DRC11: variants seen among roughly 807,000 people sequenced by gnomAD.
The protein encoded by DRC11 is dynein regulatory complex subunit 11.
the DRC11 span, among the ~76,000 whole-genome samples, chr2:236,350,384 G>A: frequency 6.6e-6 from 1 of 152,216 alleles, no homozygotes. This position sits in a 1 kb window ranked among gnomAD's most constrained non-coding sequence, Gnocchi z 5.2. Flanking sequence ...TGGTTTGGAA[G>A]GGCTCAATTA....
At chr2:236,386,401 G>A in the DRC11 span, among the ~76,000 whole-genome samples, 1 of 152,146 alleles carries the variant, frequency 6.6e-6, no homozygotes, top group Non-Finnish European at 1.5e-5. Context: ...GAGAATGTAT[G>A]TGTCCAGGAA....
chr2:236,503,656 G>A, the DRC11 span: 1 of 1,550,964 alleles, frequency 6.4e-7, no homozygotes, highest in Non-Finnish European at 8.7e-7. The surrounding 1 kb of genome is among the most constrained non-coding windows in gnomAD (Gnocchi z 4.9). Flanking sequence ...CTGAGAGACG[G>A]CGTCATCTCC....
At chr2:236,321,898 G>A in the DRC11 span, among the ~76,000 whole-genome samples, 1 of 152,226 alleles carries the variant, frequency 6.6e-6, no homozygotes, top group East Asian at 1.9e-4. Context: ...TCATACAACG[G>A]GCCCCAGTAA....
At chr2:236,499,617 T>TG in the DRC11 span, among the ~76,000 whole-genome samples, 1 of 152,056 alleles carries the variant, frequency 6.6e-6, no homozygotes, top group South Asian at 2.1e-4. This position sits in a 1 kb window ranked among gnomAD's most constrained non-coding sequence, Gnocchi z 4.7. Flanking sequence ...TTAGTAGAGA[T>TG]GGGGGTTTCA....
the DRC11 span, chr2:236,338,116 A>G: frequency 7.5e-7 from 1 of 1,340,648 alleles, no homozygotes; most frequent in Non-Finnish European, 1.0e-6. Flanking sequence ...TCTGGCGCCC[A>G]CCGGGTCCAA....
At chr2:236,334,412 C>A in the DRC11 span, among the ~76,000 whole-genome samples, 1 of 152,104 alleles carries the variant, frequency 6.6e-6, no homozygotes, top group African/African-American at 2.4e-5. This position sits in a 1 kb window ranked among gnomAD's most constrained non-coding sequence, Gnocchi z 7.8. Context: ...GTGGGGAGCA[C>A]AGATGCACTG....
At chr2:236,312,555 A>C in the DRC11 span, among the ~76,000 whole-genome samples, 1 of 152,216 alleles carries the variant, frequency 6.6e-6, no homozygotes, top group Non-Finnish European at 1.5e-5. Context: ...CCAACAGGAG[A>C]TAGATTTTCA....
the DRC11 span, chr2:236,338,370 G>A: frequency 3.2e-4 from 523 of 1,611,220 alleles, 2 homozygotes; most frequent in East Asian, 3.9e-3. Flanking sequence ...TTTTTCAGGC[G>A]TTTAGGTTCA....
chr2:236,479,639 C>A, the DRC11 span, among the ~76,000 whole-genome samples: 1 of 152,170 alleles, frequency 6.6e-6, no homozygotes, highest in Non-Finnish European at 1.5e-5. This position sits in a 1 kb window ranked among gnomAD's most constrained non-coding sequence, Gnocchi z 4.1. Flanking sequence ...ACTTTATCTC[C>A]CCCACATTTT....
At chr2:236,507,293 C>T in the DRC11 span, 10 of 1,613,940 alleles carry the variant, frequency 6.2e-6, no homozygotes, top group Non-Finnish European at 8.5e-6. Flanking sequence ...CTCTTTTCCT[C>T]GCCCTCCGGG....
the DRC11 span, among the ~76,000 whole-genome samples, chr2:236,374,203 C>G: frequency 1.3e-5 from 2 of 152,048 alleles, no homozygotes; most frequent in African/African-American, 4.8e-5. Flanking sequence ...AGTTTTGGTG[C>G]AAGTGTTGCC....
chr2:236,402,267 C>T, the DRC11 span, among the ~76,000 whole-genome samples: 5 of 152,248 alleles, frequency 3.3e-5, no homozygotes, highest in Non-Finnish European at 7.3e-5. The surrounding 1 kb of genome is among the most constrained non-coding windows in gnomAD (Gnocchi z 6.0). Flanking sequence ...TTCCCACAGC[C>T]CCCTGAGACC....
the DRC11 span, among the ~76,000 whole-genome samples, chr2:236,390,576 T>C: frequency 1.3e-5 from 2 of 152,246 alleles, no homozygotes; most frequent in Admixed American, 1.3e-4. This position sits in a 1 kb window ranked among gnomAD's most constrained non-coding sequence, Gnocchi z 5.9. Flanking sequence ...TAACGATGTT[T>C]TGTAGTGATA....
At chr2:236,443,855 G>A in the DRC11 span, among the ~76,000 whole-genome samples, 1 of 152,056 alleles carries the variant, frequency 6.6e-6, no homozygotes, top group African/African-American at 2.4e-5. The surrounding 1 kb of genome is among the most constrained non-coding windows in gnomAD (Gnocchi z 4.4). Flanking sequence ...AGCACCTGTT[G>A]TTTCCAGACT....
the DRC11 span, among the ~76,000 whole-genome samples, chr2:236,499,099 T>C: frequency 6.6e-6 from 1 of 152,188 alleles, no homozygotes; most frequent in Non-Finnish European, 1.5e-5. The surrounding 1 kb of genome is among the most constrained non-coding windows in gnomAD (Gnocchi z 4.7). Flanking sequence ...ACCTCTTGTT[T>C]ACTGTCAGCC....
chr2:236,407,966 C>A, the DRC11 span: 1 of 536,432 alleles, frequency 1.9e-6, no homozygotes, highest in South Asian at 1.4e-5. Context: ...GCAGTGGTGT[C>A]AATGAACTTA....
chr2:236,368,944 T>A, the DRC11 span: 1 of 152,268 alleles, frequency 6.6e-6, no homozygotes, highest in Admixed American at 6.5e-5. Flanking sequence ...TTGTAACTAG[T>A]CATAAATCTG....
the DRC11 span, among the ~76,000 whole-genome samples, chr2:236,466,430 A>C: frequency 6.6e-6 from 1 of 152,154 alleles, no homozygotes; most frequent in Non-Finnish European, 1.5e-5. Flanking sequence ...GCATTAGTCC[A>C]TTTTTGCACT....
At chr2:236,449,599 C>G in the DRC11 span, among the ~76,000 whole-genome samples, 1 of 152,226 alleles carries the variant, frequency 6.6e-6, no homozygotes, top group African/African-American at 2.4e-5. The surrounding 1 kb of genome is among the most constrained non-coding windows in gnomAD (Gnocchi z 5.1). Context: ...GCTGGCCTGG[C>G]TAGATCTGTG....
Sources: gnomAD v4.1 joint callset for allele counts (sites outside exome capture counted in the v4.1 genomes callset) on GRCh38, gnomAD v4.1.1 for gene constraint, Gnocchi (gnomAD v3.1) non-coding constraint, MANE v1.5 for transcripts, NCBI Gene and HGNC (gene_info 2026-07-23, HGNC 2026-07-21) for gene names.